SAMD12: variants seen among roughly 807,000 people sequenced by gnomAD.
The protein encoded by SAMD12 is sterile alpha motif domain containing 12.
Under a neutral mutation model 15.0 loss-of-function variants are expected in SAMD12, and 9 were observed. The observed-to-expected ratio is 0.60, with a 90% CI of 0.36 to 1.05. The LOEUF (loss-of-function observed/expected upper bound fraction) is 1.05, where lower values mean the gene tolerates loss of function less well. SAMD12 is among the 50% of genes least tolerant of loss of function. The pLI is 0.01. For synonymous variants in SAMD12, 86 were observed against 90.1 expected, an observed-to-expected ratio of 0.96 and a Z score of 0.25; for missense variants, 230 against 234.2, an observed-to-expected ratio of 0.98 and a Z score of 0.12.
At chr8:118,151,860 A>T in the SAMD12 span, among the ~76,000 whole-genome samples, 30 of 150,836 alleles carry the variant, frequency 2.0e-4, no homozygotes, top group East Asian at 5.6e-3. Flanking sequence ...AAAGATTTTG[A>T]AGTACCAAAA....
Position 118,439,854 on chromosome 8 carries a change from T to G in SAMD12, c.300A>C (p.Ser100=), listed in dbSNP as rs1184653781. ...CPNQYQIYSE[S]FKQHDITGRA... ...TACCAGTTATGTCATGCTGTTTGAA[T>G]GACTCACTGTAGATCTGATACTGAT... is the stretch of plus-strand genomic sequence containing the variant. The change falls in exon 3 of 4, where the codon TCA becomes TCC. Residue 100 remains serine, a synonymous_variant. Coordinates refer to ENST00000314727, the MANE Select transcript of SAMD12 (RefSeq NM_207506.3). The G allele has an allele frequency of 5.6e-6, 9 of 1,613,618 alleles. No homozygotes were observed. Among genetic ancestry groups the G allele is most frequent in the Non-Finnish European group, 7.6e-6 (9 of 1,179,552 alleles).
At chr8:118,605,579 A>C (rs1827963637) in intron 1 of SAMD12, among the ~76,000 whole-genome samples, 1 of 152,052 alleles carries the variant, frequency 6.6e-6, no homozygotes, top group Non-Finnish European at 1.5e-5. Flanking sequence ...TGGCCTTAGA[A>C]AAATTATTTA....
intron 4 of SAMD12, among the ~76,000 whole-genome samples, chr8:118,287,017 A>C (rs576593355): frequency 9.2e-5 from 14 of 152,134 alleles, no homozygotes; most frequent in Non-Finnish European, 1.8e-4. Context: ...ATTTTTTCTC[A>C]GCTGTAAAAT....
At chr8:118,321,190 T>C (rs1816258261) in intron 4 of SAMD12, among the ~76,000 whole-genome samples, 1 of 133,480 alleles carries the variant, frequency 7.5e-6, no homozygotes, top group African/African-American at 2.7e-5. Context: ...TATATATTCT[T>C]CATCAGCCCT....
chr8:118,447,303 T>G (rs946362428), intron 2 of SAMD12, among the ~76,000 whole-genome samples: 1 of 149,450 alleles, frequency 6.7e-6, no homozygotes, highest in African/African-American at 2.4e-5. Flanking sequence ...GTTGAAATCT[T>G]TTTTTTTTTT....
the SAMD12 span, among the ~76,000 whole-genome samples, chr8:118,172,054 A>G: frequency 6.6e-6 from 1 of 152,138 alleles, no homozygotes; most frequent in African/African-American, 2.4e-5. Flanking sequence ...GAAATGAACA[A>G]TGAGAATACT....
At chr8:118,261,339 C>T (rs78998048) in intron 4 of SAMD12, among the ~76,000 whole-genome samples, 7,251 of 152,084 alleles carry the variant, frequency 0.048, 549 homozygotes, top group African/African-American at 0.16. Flanking sequence ...AAACACAAAG[C>T]AAAATCAAAG....
At chr8:118,329,137 C>T (rs953222169) in intron 4 of SAMD12, among the ~76,000 whole-genome samples, 2 of 152,006 alleles carry the variant, frequency 1.3e-5, no homozygotes, top group Admixed American at 6.6e-5. Flanking sequence ...AAAAAAATCA[C>T]TAAATTAGGA....
intron 2 of SAMD12, among the ~76,000 whole-genome samples, chr8:118,458,117 A>G (rs1823313749): frequency 6.6e-6 from 1 of 152,250 alleles, no homozygotes; most frequent in African/African-American, 2.4e-5. Flanking sequence ...CAATGACACT[A>G]AAAGACACAC....
At chr8:118,196,379 C>T (rs1819562966) in exon 5 of SAMD12, 2 of 152,078 alleles carry the variant, frequency 1.3e-5, no homozygotes, top group South Asian at 4.2e-4. Context: ...TTGATATTTT[C>T]AGGAAAAAAC....
intron 2 of SAMD12, among the ~76,000 whole-genome samples, chr8:118,553,254 A>T (rs1242817631): frequency 1.3e-5 from 2 of 152,330 alleles, no homozygotes; most frequent in Non-Finnish European, 2.9e-5. Context: ...ACAAAGCTGG[A>T]GGCATCACGC....
At chr8:118,383,386 TA>T (rs1322307963) in intron 3 of SAMD12, among the ~76,000 whole-genome samples, 9 of 152,132 alleles carry the variant, frequency 5.9e-5, no homozygotes. Flanking sequence ...AGGAAGCTGT[TA>T]ATGAGTAATG....
At chr8:118,316,186 G>A (rs1161042905) in intron 4 of SAMD12, among the ~76,000 whole-genome samples, 1 of 151,902 alleles carries the variant, frequency 6.6e-6, no homozygotes, top group African/African-American at 2.4e-5. Flanking sequence ...CAAGGGAGGT[G>A]GTGTGAAAAC....
intron 4 of SAMD12, among the ~76,000 whole-genome samples, chr8:118,220,086 C>T (rs1349389893): frequency 6.6e-6 from 1 of 152,070 alleles, no homozygotes; most frequent in East Asian, 1.9e-4. Flanking sequence ...GTAATGCTTG[C>T]CTGGAGTTCT....
intron 1 of SAMD12, among the ~76,000 whole-genome samples, chr8:118,608,827 G>A (rs892484699): frequency 2.6e-5 from 4 of 152,116 alleles, no homozygotes; most frequent in Admixed American, 2.6e-4. Context: ...ACGAGAGATG[G>A]GAAGAACAGC....
At chr8:118,610,276 A>G (rs565147552) in intron 1 of SAMD12, among the ~76,000 whole-genome samples, 6 of 152,228 alleles carry the variant, frequency 3.9e-5, no homozygotes, top group African/African-American at 1.2e-4. Context: ...CCCATTGCAG[A>G]GCCCAATTAA....
At chr8:118,256,398 A>T (rs1563718158) in intron 4 of SAMD12, among the ~76,000 whole-genome samples, 2 of 152,234 alleles carry the variant, frequency 1.3e-5, no homozygotes, top group Non-Finnish European at 2.9e-5. Context: ...ATATTTCCTC[A>T]TTGAAGCAGT....
the SAMD12 span, among the ~76,000 whole-genome samples, chr8:118,158,204 G>A: frequency 6.6e-6 from 1 of 152,232 alleles, no homozygotes; most frequent in African/African-American, 2.4e-5. Context: ...GCATATGCAC[G>A]TAAGGACATT....
chr8:118,621,859 A>C lies in SAMD12; in HGVS notation c.-43T>G. The C allele has an allele frequency of 1.9e-6, 3 of 1,609,744 alleles. No homozygotes were observed. The South Asian group carries it at 3.3e-5, about 18-fold the overall frequency. ...AACGCATGCATAATTTTCTTGGCCG[A>C]GGTACTCCTCCTGCCCCGCGCTCCC... On this transcript the variant is annotated 5_prime_UTR_variant, in exon 1 of 4. Coordinates refer to ENST00000314727, the MANE Select transcript of SAMD12 (RefSeq NM_207506.3).
Sources: gnomAD v4.1 joint callset for allele counts (sites outside exome capture counted in the v4.1 genomes callset) on GRCh38, gnomAD v4.1.1 for gene constraint, MANE v1.5 for transcripts, NCBI Gene and HGNC (gene_info 2026-07-23, HGNC 2026-07-21) for gene names.